Variants in CTNND2 observed in about 807,000 individuals in gnomAD.
The protein encoded by CTNND2 is catenin delta 2, also known as catenin delta-2.
A neutral mutation model predicts 144.4 loss-of-function variants in CTNND2; 22 were observed. The observed-to-expected ratio is 0.15, with a 90% CI of 0.11 to 0.22. The LOEUF is 0.22. CTNND2 is among the 10% of genes least tolerant of loss of function. The pLI, the probability that CTNND2 is intolerant of heterozygous loss-of-function variation, is 1.00. For synonymous variants in CTNND2, 751 were observed against 695.6 expected, an observed-to-expected ratio of 1.08 and a Z score of -1.25; for missense variants, 1,353 against 1,618.8, an observed-to-expected ratio of 0.84 and a Z score of 2.82.
Position 11,662,235 on chromosome 5 carries a change from A to G in CTNND2, c.174+69901T>C, listed in dbSNP as rs189259569. ...TATATACATATATGTGTATATATGT[A>G]TATATATACATATATGTGTGTATAT... On this transcript the variant is annotated intron_variant, in intron 2 of 21. Coordinates refer to ENST00000304623, the MANE Select transcript of CTNND2 (RefSeq NM_001332.4). Among the ~76,000 whole-genome samples the G allele has an allele frequency of 6.2e-4, 87 of 139,446 alleles. 2 individuals carry two copies. Among genetic ancestry groups the G allele is most frequent in the Middle Eastern group, 3.7e-3 (1 of 272 alleles). 91.5% of individuals were successfully genotyped at this position (139,446 alleles called of 152,430 possible). A position where few individuals can be genotyped will look rare whatever the true frequency, so the allele number is the denominator to read the frequency against.
At chr5:11,899,232 C>T (rs535803875) in intron 1 of CTNND2, among the ~76,000 whole-genome samples, 7 of 152,124 alleles carry the variant, frequency 4.6e-5, no homozygotes, top group East Asian at 1.9e-4. Context: ...CTAAACAGAG[C>T]GGATGTGTAA....
At chr5:11,144,689 C>G (rs1757075874) in intron 12 of CTNND2, among the ~76,000 whole-genome samples, 1 of 152,108 alleles carries the variant, frequency 6.6e-6, no homozygotes, top group Non-Finnish European at 1.5e-5. Context: ...GTATTTCTCT[C>G]AAGGGACCGC....
In CTNND2 at chr5:10,988,004, T is replaced by G; in HGVS notation, c.3343+107A>C. 6.8e-7 allele frequency: 1 copy of G among 1,465,312 alleles called. No homozygotes were observed. 90.8% of individuals were successfully genotyped at this position (1,465,312 alleles called of 1,614,324 possible). ...TGACTGGACAGCTGCTAAGTCCTGCTCAGCAGCCAAGCGCAGCCAGCCCCG... is the reference window on the plus strand; with the variant it reads ...TGACTGGACAGCTGCTAAGTCCTGCGCAGCAGCCAAGCGCAGCCAGCCCCG... On this transcript the variant is annotated intron_variant, in intron 20 of 21. Transcript: ENST00000304623. The surrounding 1 kb of genome is among the most constrained non-coding windows in gnomAD (Gnocchi z 5.9).
chr5:11,647,487 G>T (rs1782416666), intron 2 of CTNND2, among the ~76,000 whole-genome samples: 1 of 151,676 alleles, frequency 6.6e-6, no homozygotes, highest in South Asian at 2.1e-4. Flanking sequence ...GCCACTGAAG[G>T]GTGGCTTCCA....
At chr5:11,455,003 ACT>A (rs1313279131) in intron 3 of CTNND2, among the ~76,000 whole-genome samples, 1 of 149,246 alleles carries the variant, frequency 6.7e-6, no homozygotes, top group Non-Finnish European at 1.5e-5. Context: ...AAATAATTTA[ACT>A]CTTTTTTTTT....
intron 11 of CTNND2, among the ~76,000 whole-genome samples, chr5:11,162,861 T>C (rs1478105193): frequency 6.6e-6 from 1 of 150,914 alleles, no homozygotes. Context: ...GGGAAACAAC[T>C]GGGAATTCCA....
intron 1 of CTNND2, among the ~76,000 whole-genome samples, chr5:11,846,627 A>G (rs1029172729): frequency 1.3e-5 from 2 of 152,186 alleles, no homozygotes; most frequent in East Asian, 1.9e-4. Flanking sequence ...GCTTCTGAAC[A>G]GCAAAGTAAA....
At chr5:11,499,904 A>G (rs1356190218) in intron 3 of CTNND2, among the ~76,000 whole-genome samples, 1 of 152,106 alleles carries the variant, frequency 6.6e-6, no homozygotes, top group Non-Finnish European at 1.5e-5. Flanking sequence ...GGGTTTGCCA[A>G]TTACTTCCCT....
Position 11,198,375 on chromosome 5 carries a change from T to C in CTNND2, c.1975+1073A>G, listed in dbSNP as rs185238788. ...CATCTAGTTCTAATACAACCAAGAGTGAGAAAGAAATGTGACAATAATCTC... is the reference window on the plus strand; with the variant it reads ...CATCTAGTTCTAATACAACCAAGAGCGAGAAAGAAATGTGACAATAATCTC... On this transcript the variant is annotated intron_variant, in intron 11 of 21. Transcript: ENST00000304623. Among the ~76,000 whole-genome samples, 4 of 151,356 alleles carry C rather than the reference T, an allele frequency of 2.6e-5. No homozygotes were observed. The East Asian group carries it at 7.8e-4, about 30-fold the overall frequency.
intron 9 of CTNND2, among the ~76,000 whole-genome samples, chr5:11,265,956 C>T (rs993705181): frequency 1.3e-5 from 2 of 152,014 alleles, no homozygotes; most frequent in Non-Finnish European, 2.9e-5. Context: ...GTGATCTGCC[C>T]ACCTCAGCCT....
At position 11,128,967 on chromosome 5, in the gene CTNND2, TATATAATATATAAATATATATA is replaced by T. The variant is rs1398337808; in HGVS notation, c.2160-11422_2160-11401del. On this transcript the variant is annotated intron_variant, in intron 12 of 21. Coordinates refer to ENST00000304623, the MANE Select transcript of CTNND2 (RefSeq NM_001332.4). ...ATATATAATATATAAATATATATAA[TATATAATATATAAATATATATA>T]ATATATAATATATAAATATATATTA... Among the ~76,000 whole-genome samples, 18 of 53,612 alleles carry T rather than the reference TATATAATATATAAATATATATA, an allele frequency of 3.4e-4. 1 individual carries two copies. The highest frequency in any genetic ancestry group is 5.0e-4 in the East Asian group (1 of 2,006). 35.2% of individuals were successfully genotyped at this position (53,612 alleles called of 152,430 possible).
At chr5:11,642,423 G>C (rs983603383) in intron 2 of CTNND2, among the ~76,000 whole-genome samples, 1 of 152,216 alleles carries the variant, frequency 6.6e-6, no homozygotes, top group African/African-American at 2.4e-5. Flanking sequence ...TAGGTGCTTT[G>C]AGAGGGTGGC....
chr5:11,471,541 G>A lies in CTNND2; in HGVS notation c.288-59472C>T, dbSNP rs371519564. Among the ~76,000 whole-genome samples, 4 of 152,196 alleles carry A rather than the reference G, an allele frequency of 2.6e-5. No homozygotes were observed. The East Asian group carries it at 7.7e-4, about 29-fold the overall frequency. On this transcript the variant is annotated intron_variant, in intron 3 of 21. Transcript: ENST00000304623. ...AACAAATTCTAGTAATAGAATAATGGTTTTGATAAAGGTATTTACCAACAG... is the reference window on the plus strand; with the variant it reads ...AACAAATTCTAGTAATAGAATAATGATTTTGATAAAGGTATTTACCAACAG...
intron 12 of CTNND2, among the ~76,000 whole-genome samples, chr5:11,151,364 G>C (rs1258529695): frequency 6.6e-6 from 1 of 152,182 alleles, no homozygotes; most frequent in Non-Finnish European, 1.5e-5. Context: ...ATGTCAAGAA[G>C]TTATGAAGGA....
chr5:11,675,005 C>T (rs968475941), intron 2 of CTNND2, among the ~76,000 whole-genome samples: 2 of 152,052 alleles, frequency 1.3e-5, no homozygotes, highest in Non-Finnish European at 2.9e-5. Context: ...TCAGATATTG[C>T]TATATTCTTT....
intron 16 of CTNND2, among the ~76,000 whole-genome samples, chr5:11,037,765 T>C (rs1283857559): frequency 6.6e-6 from 1 of 152,192 alleles, no homozygotes; most frequent in Non-Finnish European, 1.5e-5. Context: ...TTCTAATTAA[T>C]CCTTCAAAAC....
At chr5:11,331,167 A>G (rs937559597) in intron 9 of CTNND2, among the ~76,000 whole-genome samples, 39 of 152,324 alleles carry the variant, frequency 2.6e-4, no homozygotes, top group African/African-American at 9.1e-4. Flanking sequence ...AATATAACTG[A>G]GCCTGGCTTG....
intron 2 of CTNND2, among the ~76,000 whole-genome samples, chr5:11,673,812 ATGTT>A (rs1347212553): frequency 6.6e-6 from 1 of 152,226 alleles, no homozygotes; most frequent in Non-Finnish European, 1.5e-5. Flanking sequence ...CGTTATCTAA[ATGTT>A]TGTTTGAGGC....
chr5:11,098,513 T>C (rs1751579288), intron 15 of CTNND2, 62 bp downstream of exon 15: 7 of 1,433,558 alleles, frequency 4.9e-6, no homozygotes, highest in East Asian at 4.6e-5. Flanking sequence ...TGGACTTATA[T>C]TGTTTTCTGA....
Sources: gnomAD v4.1 joint callset for allele counts (sites outside exome capture counted in the v4.1 genomes callset) on GRCh38, gnomAD v4.1.1 for gene constraint, Gnocchi (gnomAD v3.1) non-coding constraint, MANE v1.5 for transcripts, NCBI Gene and HGNC (gene_info 2026-07-23, HGNC 2026-07-21) for gene names.